The following SYNPR variants were observed in gnomAD, a reference collection of about 807,000 sequenced individuals.
The protein encoded by SYNPR is synaptoporin.
Under a neutral mutation model 32.9 loss-of-function variants are expected in SYNPR, and 23 were observed. That is an observed-to-expected ratio of 0.70 (90% CI 0.50 to 0.99). SYNPR has a LOEUF of 0.99. SYNPR is among the 50% of genes least tolerant of loss of function. SYNPR has a pLI of 0.00. For missense variants in SYNPR, 318 were observed against 349.3 expected (o/e 0.91, Z 0.71); for synonymous variants, 146 against 135.9 (o/e 1.07, Z -0.52).
intron 4 of SYNPR, among the ~76,000 whole-genome samples, chr3:63,599,683 C>A (rs116764373): frequency 6.6e-6 from 1 of 152,306 alleles, no homozygotes; most frequent in Non-Finnish European, 1.5e-5. Flanking sequence ...ACTCCTCTAA[C>A]ACATGTTAAT....
intron 3 of SYNPR, among the ~76,000 whole-genome samples, chr3:63,504,885 A>AC (rs1701556713): frequency 6.6e-6 from 1 of 152,104 alleles, no homozygotes; most frequent in Admixed American, 6.6e-5. Flanking sequence ...GTCCTGTGTG[A>AC]CTCACGTGGA....
intron 4 of SYNPR, among the ~76,000 whole-genome samples, chr3:63,570,611 A>G (rs1345588708): frequency 6.6e-6 from 1 of 152,022 alleles, no homozygotes; most frequent in African/African-American, 2.4e-5. Flanking sequence ...TCAAAGACCC[A>G]TCTCACAGGC....
chr3:63,431,367 A>G (rs1457562475), intron 2 of SYNPR, among the ~76,000 whole-genome samples: 1 of 152,218 alleles, frequency 6.6e-6, no homozygotes, highest in Non-Finnish European at 1.5e-5. Context: ...CAGGTGTTAC[A>G]AATAAGAAGC....
At chr3:63,246,876 T>C (rs568903375) in intron 1 of SYNPR, among the ~76,000 whole-genome samples, 66 of 152,212 alleles carry the variant, frequency 4.3e-4, no homozygotes, top group African/African-American at 1.6e-3. Flanking sequence ...TTTTATCACC[T>C]ACACAATATT....
chr3:63,403,186 A>T (rs746619808), intron 2 of SYNPR, among the ~76,000 whole-genome samples: 1 of 152,102 alleles, frequency 6.6e-6, no homozygotes, highest in Non-Finnish European at 1.5e-5. Context: ...CAACCATATA[A>T]CATGCTCTGG....
At chr3:63,558,421 C>T (rs527384331) in intron 4 of SYNPR, among the ~76,000 whole-genome samples, 12 of 152,206 alleles carry the variant, frequency 7.9e-5, no homozygotes, top group Admixed American at 2.6e-4. Context: ...CTCACTCCAC[C>T]TCCTAGGCTC....
At chr3:63,591,993 C>T (rs1212151808) in intron 4 of SYNPR, among the ~76,000 whole-genome samples, 1 of 151,744 alleles carries the variant, frequency 6.6e-6, no homozygotes, top group African/African-American at 2.4e-5. Flanking sequence ...AAACAGGGGT[C>T]TTTGCAGATG....
intron 2 of SYNPR, chr3:63,444,433 T>G (rs1395450488): frequency 6.6e-6 from 1 of 152,174 alleles, no homozygotes; most frequent in African/African-American, 2.4e-5. Flanking sequence ...GCTTTAATCT[T>G]CTCTTTTTGT....
intron 2 of SYNPR, among the ~76,000 whole-genome samples, chr3:63,457,316 C>T (rs1700500317): frequency 6.6e-6 from 1 of 152,046 alleles, no homozygotes; most frequent in African/African-American, 2.4e-5. Context: ...TCTAGTCATG[C>T]CATTCTATTG....
intron 2 of SYNPR, among the ~76,000 whole-genome samples, chr3:63,349,598 G>C (rs1560200935): frequency 6.6e-6 from 1 of 152,072 alleles, no homozygotes; most frequent in Non-Finnish European, 1.5e-5. Context: ...TCTCGATTTT[G>C]TTCTAAGCTT....
intron 2 of SYNPR, among the ~76,000 whole-genome samples, chr3:63,469,559 G>T (rs1700757950): frequency 6.6e-6 from 1 of 152,248 alleles, no homozygotes; most frequent in South Asian, 2.1e-4. Context: ...CTCTAATCAG[G>T]TGTCAGAGAA....
intron 4 of SYNPR, among the ~76,000 whole-genome samples, chr3:63,589,147 C>T (rs566306523): frequency 2.2e-4 from 34 of 152,210 alleles, no homozygotes; most frequent in Middle Eastern, 3.4e-3. Flanking sequence ...ATTCATTATT[C>T]ACCGTGAGTC....
intron 2 of SYNPR, among the ~76,000 whole-genome samples, chr3:63,427,017 C>T (rs1699904949): frequency 6.6e-6 from 1 of 152,066 alleles, no homozygotes; most frequent in African/African-American, 2.4e-5. Context: ...TCCATACTGA[C>T]AGCTGCATTT....
intron 3 of SYNPR, among the ~76,000 whole-genome samples, chr3:63,270,224 A>G (rs2086523019): frequency 6.6e-6 from 1 of 152,318 alleles, no homozygotes; most frequent in Non-Finnish European, 1.5e-5. Flanking sequence ...TTACAAATAC[A>G]GTGTCAGATA....
In SYNPR at chr3:63,413,822, A is replaced by T. The variant is rs570307543; in HGVS notation, c.85-67010A>T. Among the ~76,000 whole-genome samples the T allele has an allele frequency of 2.6e-5, 4 of 152,216 alleles. No homozygotes were observed. In the East Asian group the frequency reaches 7.7e-4, roughly 29 times the overall value. On this transcript the variant is annotated intron_variant, in intron 2 of 5. Transcript: ENST00000478300. ...CTGTTTTCCATGCTGCCCAGATGTG[A>T]AAGGCTCCACTGCCCTAGAAGGATA...
intron 2 of SYNPR, among the ~76,000 whole-genome samples, chr3:63,422,998 T>A (rs1275729180): frequency 6.6e-6 from 1 of 152,158 alleles, no homozygotes; most frequent in African/African-American, 2.4e-5. Flanking sequence ...TCAACATAGA[T>A]CTTAAAAATC....
chr3:63,335,027 G>T (rs150613363), intron 2 of SYNPR, among the ~76,000 whole-genome samples: 63 of 152,256 alleles, frequency 4.1e-4, no homozygotes, highest in African/African-American at 1.5e-3. Context: ...CTGTTAATAG[G>T]TTGATGCAAA....
At chr3:63,249,809 T>G (rs554070409) in intron 1 of SYNPR, among the ~76,000 whole-genome samples, 1 of 152,296 alleles carries the variant, frequency 6.6e-6, no homozygotes, top group Admixed American at 6.5e-5. Context: ...CTTTTTTATT[T>G]TTTGCTTGAA....
At chr3:63,589,421 A>C (rs1011728469) in intron 4 of SYNPR, among the ~76,000 whole-genome samples, 1 of 152,136 alleles carries the variant, frequency 6.6e-6, no homozygotes, top group African/African-American at 2.4e-5. Flanking sequence ...CCATATTTCC[A>C]AGACCTGGCA....
Sources: gnomAD v4.1 joint callset for allele counts (sites outside exome capture counted in the v4.1 genomes callset) on GRCh38, gnomAD v4.1.1 for gene constraint, MANE v1.5 for transcripts, NCBI Gene and HGNC (gene_info 2026-07-23, HGNC 2026-07-21) for gene names.